PDE4B: variants seen among roughly 807,000 people sequenced by gnomAD.
PDE4B encodes phosphodiesterase 4B.
In PDE4B, 20 loss-of-function variants were observed where a neutral mutation model predicts 82.2. The observed-to-expected ratio is 0.24, with a 90% CI of 0.17 to 0.35. PDE4B has a LOEUF of 0.35. PDE4B is among the 10% of genes least tolerant of loss of function. The pLI, the probability that PDE4B is intolerant of heterozygous loss-of-function variation, is 1.00. For missense variants in PDE4B, 655 were observed against 907.2 expected, an observed-to-expected ratio of 0.72 and a Z score of 3.57; for synonymous variants, 320 against 318.9, an observed-to-expected ratio of 1.00 and a Z score of -0.04.
intron 3 of PDE4B, among the ~76,000 whole-genome samples, chr1:65,919,821 G>C (rs147197604): frequency 7.9e-5 from 12 of 152,122 alleles, no homozygotes; most frequent in Non-Finnish European, 1.5e-4. Flanking sequence ...AATGATATAC[G>C]GCATCTTGAC....
intron 1 of PDE4B, among the ~76,000 whole-genome samples, chr1:65,849,065 A>G (rs952858322): frequency 1.3e-5 from 2 of 152,230 alleles, no homozygotes; most frequent in Admixed American, 6.5e-5. Flanking sequence ...AGAATTCTAG[A>G]GAACATGGGA....
At chr1:65,882,361 T>C (rs1646717844) in intron 1 of PDE4B, among the ~76,000 whole-genome samples, 1 of 152,210 alleles carries the variant, frequency 6.6e-6, no homozygotes, top group Non-Finnish European at 1.5e-5. Context: ...TTGAAGTGAA[T>C]TGTCATTGAT....
At chr1:65,920,763 T>C (rs1297334514) in intron 3 of PDE4B, among the ~76,000 whole-genome samples, 1 of 151,934 alleles carries the variant, frequency 6.6e-6, no homozygotes, top group Non-Finnish European at 1.5e-5. Context: ...AGCCTCATTC[T>C]TGGCGTCAGT....
intron 3 of PDE4B, among the ~76,000 whole-genome samples, chr1:66,024,170 A>G (rs1449062087): frequency 6.6e-6 from 1 of 152,170 alleles, no homozygotes; most frequent in South Asian, 2.1e-4. Context: ...ACTTACAAAA[A>G]GTCCTAGAGG....
chr1:66,178,780 A>T (rs1646990117), intron 3 of PDE4B, among the ~76,000 whole-genome samples: 1 of 152,216 alleles, frequency 6.6e-6, no homozygotes, highest in African/African-American at 2.4e-5. Flanking sequence ...ACATTTGGAT[A>T]ATGAAATATA....
intron 3 of PDE4B, among the ~76,000 whole-genome samples, chr1:66,165,534 G>A (rs981726316): frequency 1.1e-4 from 17 of 151,796 alleles, no homozygotes; most frequent in African/African-American, 3.9e-4. Context: ...ACTAATAAAT[G>A]AGAGTTCAGC....
intron 3 of PDE4B, among the ~76,000 whole-genome samples, chr1:66,186,865 A>T (rs1461485168): frequency 1.3e-5 from 2 of 152,118 alleles, no homozygotes; most frequent in African/African-American, 4.8e-5. Flanking sequence ...AGCTTCCAAC[A>T]CTATGTTGAA....
intron 1 of PDE4B, among the ~76,000 whole-genome samples, chr1:65,865,962 T>C (rs1460915784): frequency 1.3e-5 from 2 of 152,192 alleles, no homozygotes; most frequent in African/African-American, 4.8e-5. Flanking sequence ...GTGTGAATTG[T>C]AGCTGCTCTG....
At chr1:66,259,057 T>C (rs1654477256) in intron 6 of PDE4B, among the ~76,000 whole-genome samples, 1 of 152,246 alleles carries the variant, frequency 6.6e-6, no homozygotes, top group South Asian at 2.1e-4. Context: ...ATTTGATTGA[T>C]AGTTGCTTGG....
Position 66,332,047 on chromosome 1 carries a change from A to C in PDE4B, c.635-461A>C. On this transcript the variant is annotated intron_variant, in intron 7 of 16. Coordinates refer to ENST00000341517, the MANE Select transcript of PDE4B (RefSeq NM_002600.4). ...TTTTGACTGTTTCATTTAGAAGAAA[A>C]GCAAAATGAGAAAAAGCTTTCCTCA... 2.8e-6 allele frequency: 3 copies of C among 1,066,134 alleles called. No individual in the cohort carries two copies. In the South Asian group the frequency reaches 1.1e-4, roughly 39 times the overall value. The allele number at this position is 1,066,134 out of a possible 1,614,324, so 66.0% of individuals were successfully genotyped here.
At chr1:65,969,042 T>C (rs1048935533) in intron 3 of PDE4B, among the ~76,000 whole-genome samples, 1 of 152,174 alleles carries the variant, frequency 6.6e-6, no homozygotes, top group African/African-American at 2.4e-5. Context: ...TCTCATTTAA[T>C]TTTACCTGAG....
At chr1:66,287,736 G>A (rs1333346306) in intron 7 of PDE4B, among the ~76,000 whole-genome samples, 5 of 152,168 alleles carry the variant, frequency 3.3e-5, no homozygotes, top group Non-Finnish European at 7.4e-5. Flanking sequence ...TGGAGGCTGA[G>A]GTGGGAGGAT....
chr1:66,111,928 G>A (rs1645495623), intron 3 of PDE4B, among the ~76,000 whole-genome samples: 1 of 152,088 alleles, frequency 6.6e-6, no homozygotes, highest in Admixed American at 6.6e-5. Context: ...AGGTTCTTTG[G>A]CAAGACTAAA....
intron 7 of PDE4B, among the ~76,000 whole-genome samples, chr1:66,290,418 A>G (rs1224202544): frequency 6.6e-6 from 1 of 152,202 alleles, no homozygotes; most frequent in Non-Finnish European, 1.5e-5. Flanking sequence ...GTTTGTACGT[A>G]CACTGTATCA....
At chr1:65,867,430 T>C (rs758003094) in intron 1 of PDE4B, among the ~76,000 whole-genome samples, 7 of 152,244 alleles carry the variant, frequency 4.6e-5, no homozygotes, top group Non-Finnish European at 5.9e-5. Context: ...ATGTATTTCC[T>C]TCTTACAGTT....
intron 7 of PDE4B, among the ~76,000 whole-genome samples, chr1:66,305,131 A>G (rs1310556271): frequency 6.6e-6 from 1 of 152,146 alleles, no homozygotes; most frequent in Admixed American, 6.6e-5. Context: ...ATAAGGAGTG[A>G]CTGGAAAGCA....
At chr1:66,352,186 C>T (rs896392233) in intron 8 of PDE4B, among the ~76,000 whole-genome samples, 1 of 152,112 alleles carries the variant, frequency 6.6e-6, no homozygotes, top group African/African-American at 2.4e-5. Flanking sequence ...ACTAAGTGAC[C>T]TCCATTTGCA....
At chr1:66,166,230 A>G (rs1178698358) in intron 3 of PDE4B, among the ~76,000 whole-genome samples, 1 of 152,222 alleles carries the variant, frequency 6.6e-6, no homozygotes, top group African/African-American at 2.4e-5. Context: ...TACTCCATGT[A>G]CAAAAACTAA....
At chr1:65,814,892 T>C (rs898983394) in intron 1 of PDE4B, among the ~76,000 whole-genome samples, 1 of 151,990 alleles carries the variant, frequency 6.6e-6, no homozygotes, top group Non-Finnish European at 1.5e-5. Context: ...TATGTTTTTA[T>C]TTGTCTTGAG....
Sources: gnomAD v4.1 joint callset for allele counts (sites outside exome capture counted in the v4.1 genomes callset) on GRCh38, gnomAD v4.1.1 for gene constraint, MANE v1.5 for transcripts, NCBI Gene and HGNC (gene_info 2026-07-23, HGNC 2026-07-21) for gene names.